PIK3C2G: variants seen among roughly 807,000 people sequenced by gnomAD.
PIK3C2G encodes the protein phosphatidylinositol 3-kinase C2 domain-containing subunit gamma.
In PIK3C2G, 168 loss-of-function variants were observed where a neutral mutation model predicts 181.1. The observed-to-expected ratio is 0.93, with a 90% confidence interval of 0.82 to 1.05. The LOEUF (loss-of-function observed/expected upper bound fraction) is 1.05, where lower values mean the gene tolerates loss of function less well. PIK3C2G is among the 50% of genes least tolerant of loss of function. The pLI, the probability that PIK3C2G is intolerant of heterozygous loss-of-function variation, is 0.00. For synonymous variants in PIK3C2G, 573 were observed against 592.2 expected (o/e 0.97, Z 0.47); for missense variants, 1,869 against 1,732.8 (o/e 1.08, Z -1.40).
Position 18,319,480 on chromosome 12 carries a change from C to CA in PIK3C2G, c.1138-1475dup, listed in dbSNP as rs35252029. On this transcript the variant is annotated intron_variant, in intron 6 of 32. Transcript: ENST00000538779. ...TTTCAAGATCTGTTAATAATTGTGACAAAAAAAGTTTCCAATACATGTATC... is the reference window on the plus strand; with the variant it reads ...TTTCAAGATCTGTTAATAATTGTGACAAAAAAAAGTTTCCAATACATGTATC... Among the ~76,000 whole-genome samples the CA allele has an allele frequency of 1.0e-3, 153 of 151,712 alleles. 1 individual carries two copies. Among genetic ancestry groups the CA allele is most frequent in the African/African-American group, 3.5e-3 (145 of 41,384 alleles).
downstream of PIK3C2G, among the ~76,000 whole-genome samples, chr12:18,653,149 A>C (rs1950591902): frequency 6.6e-6 from 1 of 152,160 alleles, no homozygotes; most frequent in African/African-American, 2.4e-5. Flanking sequence ...CTAATATCAT[A>C]AAACAAAGTG....
At chr12:18,247,028 A>T (rs1056527020), upstream of PIK3C2G, among the ~76,000 whole-genome samples, 13 of 152,222 alleles carry the variant, frequency 8.5e-5, no homozygotes, top group Admixed American at 4.6e-4. Flanking sequence ...TATAAAACAT[A>T]ATATGTACTC....
chr12:18,670,122 G>A, the PIK3C2G span, among the ~76,000 whole-genome samples: 1 of 152,064 alleles, frequency 6.6e-6, no homozygotes, highest in Non-Finnish European at 1.5e-5. Flanking sequence ...GTTTGGAGAG[G>A]ACATAAACAT....
rs139306677 is a variant in PIK3C2G at position 18,278,438 on chromosome 12, A to G, written c.-78-3566A>G. Among the ~76,000 whole-genome samples, 175 of 152,254 alleles carry G rather than the reference A, an allele frequency of 1.1e-3. 1 individual carries two copies. Among genetic ancestry groups the G allele is most frequent in the African/African-American group, 4.0e-3 (167 of 41,554 alleles). ...TTGTGATTACCCTGGGTCCAATGAG[A>G]TAATCTTTCTATTTTAAGGTCAGCT... On this transcript the variant is annotated intron_variant, in intron 1 of 32. Coordinates refer to ENST00000538779, the MANE Select transcript of PIK3C2G (RefSeq NM_001288772.2).
chr12:18,257,794 GAAAGA>G (rs1384636700), upstream of PIK3C2G, among the ~76,000 whole-genome samples: 2 of 143,246 alleles, frequency 1.4e-5, no homozygotes, highest in African/African-American at 5.2e-5. Context: ...GAAAGAGAAA[GAAAGA>G]AAAGAAAGAA....
intron 18 of PIK3C2G, among the ~76,000 whole-genome samples, chr12:18,483,377 T>A (rs1939740475): frequency 6.6e-6 from 1 of 152,180 alleles, no homozygotes; most frequent in Admixed American, 6.6e-5. Flanking sequence ...CAACAGATGG[T>A]ACATAGGCCT....
At chr12:18,596,442 C>A (rs1947366485) in intron 30 of PIK3C2G, among the ~76,000 whole-genome samples, 1 of 152,026 alleles carries the variant, frequency 6.6e-6, no homozygotes, top group Admixed American at 6.6e-5. Context: ...CCTATATATT[C>A]TCCCAAAATT....
intron 18 of PIK3C2G, among the ~76,000 whole-genome samples, chr12:18,452,457 A>G (rs973178695): frequency 2.0e-5 from 3 of 148,922 alleles, no homozygotes; most frequent in African/African-American, 4.9e-5. Context: ...TGATTCTTCT[A>G]TCTTCTTTAT....
chr12:18,462,545 A>T (rs1947975197), intron 18 of PIK3C2G, among the ~76,000 whole-genome samples: 1 of 152,104 alleles, frequency 6.6e-6, no homozygotes, highest in Non-Finnish European at 1.5e-5. Flanking sequence ...TTTTTTGTAG[A>T]CTATTGACAG....
At chr12:18,458,760 C>A (rs1454077747) in intron 18 of PIK3C2G, among the ~76,000 whole-genome samples, 2 of 151,378 alleles carry the variant, frequency 1.3e-5, no homozygotes, top group Non-Finnish European at 2.9e-5. Flanking sequence ...CAAGGGGATG[C>A]TCTGTGGCTG....
At chr12:18,376,742 G>A (rs1006852036) in intron 13 of PIK3C2G, among the ~76,000 whole-genome samples, 1 of 152,142 alleles carries the variant, frequency 6.6e-6, no homozygotes, top group African/African-American at 2.4e-5. Flanking sequence ...CTTGGCTTGT[G>A]GCTGTCCTTG....
At chr12:18,682,596 AAATT>A in the PIK3C2G span, among the ~76,000 whole-genome samples, 1 of 152,050 alleles carries the variant, frequency 6.6e-6, no homozygotes, top group Non-Finnish European at 1.5e-5. Flanking sequence ...GAAACATTGC[AAATT>A]AATTTAAGAT....
At chr12:18,416,780 CAA>C (rs1945205271) in intron 16 of PIK3C2G, among the ~76,000 whole-genome samples, 4 of 152,176 alleles carry the variant, frequency 2.6e-5, no homozygotes, top group Admixed American at 1.3e-4. Context: ...CCCAGTCACT[CAA>C]GAGCTCTGAT....
At position 18,313,947 on chromosome 12, in the gene PIK3C2G, T is replaced by C; in HGVS notation, c.1035-15T>C. On this transcript the variant is annotated splice_polypyrimidine_tract_variant and intron_variant, in intron 5 of 32. Transcript: ENST00000538779. ...TATGGGAGGATATGATTGTGTTCAT[T>C]TTTTCCTCCTTCAGCGACCACTGTT... 1.5e-6 allele frequency: 2 copies of C among 1,364,172 alleles called. No homozygotes were observed. Among genetic ancestry groups the C allele is most frequent in the Middle Eastern group, 1.8e-4 (1 of 5,572 alleles). 84.5% of individuals were successfully genotyped at this position (1,364,172 alleles called of 1,614,324 possible). A position where few individuals can be genotyped will look rare whatever the true frequency, so the allele number is the denominator to read the frequency against.
At chr12:18,260,040 C>G (rs750305473), upstream of PIK3C2G, among the ~76,000 whole-genome samples, 8 of 152,050 alleles carry the variant, frequency 5.3e-5, no homozygotes, top group Non-Finnish European at 8.8e-5. Context: ...AAACAAAGTA[C>G]AAGGTACATT....
At chr12:18,398,283 A>G (rs923968522) in intron 15 of PIK3C2G, among the ~76,000 whole-genome samples, 2 of 152,196 alleles carry the variant, frequency 1.3e-5, no homozygotes, top group African/African-American at 2.4e-5. Context: ...AGTATTGGGG[A>G]AAAAAATTTA....
At chr12:18,570,335 A>G (rs1945861952) in intron 29 of PIK3C2G, among the ~76,000 whole-genome samples, 2 of 150,246 alleles carry the variant, frequency 1.3e-5, no homozygotes, top group African/African-American at 2.5e-5. Context: ...CAGCCTCCCC[A>G]GTAGCTGGGA....
the PIK3C2G span, among the ~76,000 whole-genome samples, chr12:18,695,821 G>A: frequency 2.2e-4 from 34 of 152,190 alleles, no homozygotes; most frequent in Admixed American, 2.2e-3. Context: ...ATTTGAAGAG[G>A]CCTTGAGCAT....
At chr12:18,532,012 C>T (rs1196714955) in intron 24 of PIK3C2G, among the ~76,000 whole-genome samples, 2 of 152,066 alleles carry the variant, frequency 1.3e-5, no homozygotes, top group Non-Finnish European at 2.9e-5. Context: ...GTGAGTAATC[C>T]AGTTTCTACA....
Sources: gnomAD v4.1 joint callset for allele counts (sites outside exome capture counted in the v4.1 genomes callset) on GRCh38, gnomAD v4.1.1 for gene constraint, MANE v1.5 for transcripts, NCBI Gene and HGNC (gene_info 2026-07-23, HGNC 2026-07-21) for gene names.